RDH16: variants seen among roughly 807,000 people sequenced by gnomAD.
The protein encoded by RDH16 is human epidermal retinol dehydrogenase.
Under a neutral mutation model 22.3 loss-of-function variants are expected in RDH16, and 25 were observed. The observed-to-expected ratio is 1.12, with a 90% CI of 0.82 to 1.56. The LOEUF (loss-of-function observed/expected upper bound fraction) is 1.56. Ranked by LOEUF, RDH16 falls within the 40% of genes most tolerant of loss-of-function variation. RDH16 has a pLI of 0.00. For missense variants in RDH16, 413 were observed against 394.9 expected (o/e 1.05, Z -0.39); for synonymous variants, 154 against 164.4 (o/e 0.94, Z 0.48).
intron 2 of RDH16, 81 bp downstream of exon 2, chr12:56,954,825 A>G (rs1592432198): frequency 2.0e-6 from 3 of 1,471,008 alleles, no homozygotes; most frequent in South Asian, 2.5e-5. Context: ...ACAGGCTGGG[A>G]TTCAAGGAAC....
chr12:56,955,237 C>T, intron 1 of RDH16, 73 bp from the exon 2 acceptor site: 1 of 1,561,128 alleles, frequency 6.4e-7, no homozygotes, highest in South Asian at 1.2e-5. Flanking sequence ...GGGTGCAAAT[C>T]ACATCCCAAT....
Position 56,957,589 on chromosome 12 carries a change from G to T in RDH16, c.-127C>A. The T allele has an allele frequency of 1.9e-6, 2 of 1,038,018 alleles. No individual in the cohort carries two copies. Among genetic ancestry groups the T allele is most frequent in the Non-Finnish European group, 2.8e-6 (2 of 712,566 alleles). The allele number at this position is 1,038,018 out of a possible 1,614,324, so 64.3% of individuals were successfully genotyped here. On this transcript the variant is annotated 5_prime_UTR_variant, in exon 1 of 4. Transcript: ENST00000398138. ...GGAAGCCCTCAGGCATTTTGGCAGGGAATCCTCACTTTCCTCCCTGATGAC... is the reference window on the plus strand; with the variant it reads ...GGAAGCCCTCAGGCATTTTGGCAGGTAATCCTCACTTTCCTCCCTGATGAC...
chr12:56,957,009 C>A, intron 1 of RDH16, 141 bp downstream of exon 1: 1 of 834,526 alleles, frequency 1.2e-6, no homozygotes, highest in South Asian at 1.7e-5. Context: ...TTCAGGCAGC[C>A]TGTTAAGTGA....
intron 1 of RDH16, among the ~76,000 whole-genome samples, chr12:56,955,703 CAA>C (rs1271235281): frequency 6.6e-6 from 1 of 152,000 alleles, no homozygotes; most frequent in Non-Finnish European, 1.5e-5. Context: ...TCCTGTTTCC[CAA>C]GTGTTTGAAC....
Position 56,954,988 on chromosome 12 carries a change from T to C in RDH16, c.490A>G (p.Ser164Gly). 1 of 1,614,152 alleles carries C rather than the reference T, an allele frequency of 6.2e-7. No individual in the cohort carries two copies. Among genetic ancestry groups the C allele is most frequent in the Non-Finnish European group, 8.5e-7 (1 of 1,180,022 alleles). The part of the protein sequence containing the change: ...RARGRVVNVS[S>G]VMGRVSLFGG... ...AAAAGTGACACCCGGCCCATGACAC[T>C]GGAGACGTTGACCACACGGCCCCTG... The change falls in exon 2 of 4, where the codon AGT (serine) becomes GGT (glycine). Residue 164 changes from serine to glycine, a missense_variant. Transcript: ENST00000398138.
chr12:56,957,399 G>A lies in RDH16; in HGVS notation c.64C>T (p.Gln22Ter). ...TTATCTCTCAGGTGGCTCAGCACCT[G>A]CCTCTCCCGGTACCAGTGCAGAAGG... ...YYLLHWYRERQVLSHLRDKYV... is the reference protein window; with the variant it reads ...YYLLHWYRER Residue 22 changes from glutamine to a stop codon, truncating the protein, a stop_gained, in exon 1 of 4, where the codon CAG becomes TAG. Coordinates refer to ENST00000398138, the MANE Select transcript of RDH16 (RefSeq NM_003708.5). LOFTEE classifies it high-confidence loss of function. 1 of 1,614,152 alleles carries A rather than the reference G, an allele frequency of 6.2e-7. No individual in the cohort carries two copies. Among genetic ancestry groups the A allele is most frequent in the Non-Finnish European group, 8.5e-7 (1 of 1,180,028 alleles).
At chr12:56,957,048 A>T in intron 1 of RDH16, 102 bp downstream of exon 1, 5 of 1,195,854 alleles carry the variant, frequency 4.2e-6, no homozygotes, top group Non-Finnish European at 4.8e-6. Context: ...TGTTACTTCA[A>T]CCTGGAAAGA....
Position 56,955,141 on chromosome 12 carries a change from C to G in RDH16, c.337G>C (p.Ala113Pro), listed in dbSNP as rs1278280524. The change falls in exon 2 of 4, where the codon GCT becomes CCT. Residue 113 changes from alanine (A) to proline (P), a missense_variant. Ala to Pro is a conservative substitution (Grantham distance 27). Coordinates refer to ENST00000398138, the MANE Select transcript of RDH16 (RefSeq NM_003708.5). ...DKGLWGLVNN[A>P]GISLPTAPNE... The stretch of plus-strand genomic sequence containing the variant: ...GGAGCCGTGGGCAAGGAGATGCCAG[C>G]ATTATTCACCAGGCCCCAGAGTCCT... 1 of 1,614,084 alleles carries G rather than the reference C, an allele frequency of 6.2e-7. No individual in the cohort carries two copies. Among genetic ancestry groups the G allele is most frequent in the South Asian group, 1.1e-5 (1 of 91,058 alleles).
In RDH16 at chr12:56,952,380, T is replaced by C. The variant is rs181886571; in HGVS notation, c.737-134A>G. 5.0e-6 allele frequency: 4 copies of C among 800,032 alleles called. No homozygotes were observed. The Admixed American group carries it at 9.7e-5, about 19-fold the overall frequency. 49.6% of individuals were successfully genotyped at this position (800,032 alleles called of 1,614,324 possible). ...CCAGTCAAGCAATGCCTCAAATCTC[T>C]TTTATCCAAATTCCCTGAGCTGGAG... On this transcript the variant is annotated intron_variant, in intron 3 of 3. Coordinates refer to ENST00000398138, the MANE Select transcript of RDH16 (RefSeq NM_003708.5).
chr12:56,952,844 TC>T lies in RDH16; in HGVS notation c.718del (p.Glu240ArgfsTer25). 1.2e-6 allele frequency: 2 copies of T among 1,613,132 alleles called. No homozygotes were observed. The highest frequency in any genetic ancestry group is 1.7e-6 in the Non-Finnish European group (2 of 1,179,606). ...SSPEVKEAYG[E>X]KFVADYKKSA... ...TTACTCACAGTCTGCAACAAACTTC[TC>T]GCCATAGGCCTCCTTGACCTCTGGA... On this transcript the variant is annotated frameshift_variant, in exon 3 of 4. Transcript: ENST00000398138. LOFTEE classifies it low-confidence loss of function (END_TRUNC).
chr12:56,951,932 C>A lies in RDH16; in HGVS notation c.*97G>T. ...GAGGTGGGATTGGTGCCCTACTGAC[C>A]GGACGGCTCCCTCCCTCCACTTTAT... On this transcript the variant is annotated 3_prime_UTR_variant, in exon 4 of 4. Coordinates refer to ENST00000398138, the MANE Select transcript of RDH16 (RefSeq NM_003708.5). 1.0e-6 allele frequency: 1 copy of A among 1,004,960 alleles called. No individual in the cohort carries two copies. The highest frequency in any genetic ancestry group is 1.5e-6 in the Non-Finnish European group (1 of 660,268). The allele number at this position is 1,004,960 out of a possible 1,614,324, so 62.3% of individuals were successfully genotyped here.
chr12:56,952,352 C>T (rs923673327), intron 3 of RDH16, 106 bp from the exon 4 acceptor site: 8 of 1,035,884 alleles, frequency 7.7e-6, no homozygotes, highest in African/African-American at 1.6e-5. Context: ...CACCCCACAA[C>T]CCCCAGTCAA....
chr12:56,956,396 AAACTAAG>A (rs1955929296), intron 1 of RDH16, among the ~76,000 whole-genome samples: 2 of 152,230 alleles, frequency 1.3e-5, no homozygotes, highest in Admixed American at 1.3e-4. Context: ...AAGGTGACTG[AAACTAAG>A]AACAAAATAT....
chr12:56,955,436 A>G (rs941548379), intron 1 of RDH16, among the ~76,000 whole-genome samples: 8 of 152,182 alleles, frequency 5.3e-5, no homozygotes, highest in African/African-American at 1.7e-4. Flanking sequence ...TAAGGACTGC[A>G]TGAAATCATG....
intron 1 of RDH16, 23 bp downstream of exon 1, chr12:56,957,127 A>G: frequency 6.3e-7 from 1 of 1,586,392 alleles, no homozygotes; most frequent in East Asian, 2.2e-5. Context: ...ACACAGACAG[A>G]CTTGACAAAC....
At chr12:56,953,720 C>T (rs1955903382) in intron 2 of RDH16, among the ~76,000 whole-genome samples, 2 of 152,186 alleles carry the variant, frequency 1.3e-5, no homozygotes, top group Admixed American at 1.3e-4. Flanking sequence ...CTTTCCCAGT[C>T]TTCCTTACCA....
At position 56,952,866 on chromosome 12, in the gene RDH16, C is replaced by T. The variant is rs745788114; in HGVS notation, c.697G>A (p.Glu233Lys). Residue 233 changes from glutamate (E) to lysine (K), a missense_variant, in exon 3 of 4, where the codon GAG becomes AAG. Coordinates refer to ENST00000398138, the MANE Select transcript of RDH16 (RefSeq NM_003708.5). ...TTCTCGCCATAGGCCTCCTTGACCT[C>T]TGGACTGGACCGGTCCCAAATCTCC... ...FLEIWDRSSP[E>K]VKEAYGEKFV... 5.9e-5 allele frequency: 95 copies of T among 1,613,924 alleles called. No homozygotes were observed. The East Asian group carries it at 6.2e-4, about 11-fold the overall frequency.
Position 56,952,933 on chromosome 12 carries a change from C to A in RDH16, c.630G>T (p.Lys210Asn). The A allele has an allele frequency of 6.2e-7, 1 of 1,614,048 alleles. No individual in the cohort carries two copies. The highest frequency in any genetic ancestry group is 8.5e-7 in the Non-Finnish European group (1 of 1,179,980). The change falls in exon 3 of 4, where the codon AAG becomes AAT. Residue 210 changes from lysine (K) to asparagine (N), a missense_variant. Physicochemically the swap from Lys to Asn is moderately conservative, Grantham distance 94. Coordinates refer to ENST00000398138, the MANE Select transcript of RDH16 (RefSeq NM_003708.5). ...KVAMIEPGYF[K>N]TAVTSKERFL... ...ATCTCTCCTTACTGGTCACAGCAGT[C>A]TTGAAATAGCCAGGTTCAATCATAG...
intron 1 of RDH16, among the ~76,000 whole-genome samples, chr12:56,956,124 T>C (rs1024109110): frequency 6.6e-6 from 1 of 152,160 alleles, no homozygotes; most frequent in Non-Finnish European, 1.5e-5. Context: ...CCTGCCCTGA[T>C]GCAAATGCAG....
Sources: allele counts gnomAD v4.1 joint callset (sites outside exome capture counted in the v4.1 genomes callset), GRCh38; gene constraint gnomAD v4.1.1; transcripts MANE v1.5; gene names NCBI Gene and HGNC (gene_info 2026-07-23, HGNC 2026-07-21).